NPHP4: variants seen among roughly 807,000 people sequenced by gnomAD.
NPHP4 encodes the protein nephrocystin-4.
Under a neutral mutation model 155.8 loss-of-function variants are expected in NPHP4, and 151 were observed. The ratio of observed to expected loss-of-function variants is 0.97; its 90% CI spans 0.85 to 1.11. The LOEUF (loss-of-function observed/expected upper bound fraction) is 1.11, where lower values mean the gene tolerates loss of function less well. NPHP4 is among the 50% of genes least tolerant of loss of function. The pLI, the probability that NPHP4 is intolerant of heterozygous loss-of-function variation, is 0.00. For missense variants in NPHP4, 1,956 were observed against 1,925.7 expected, an observed-to-expected ratio of 1.02 and a Z score of -0.29; for synonymous variants, 845 against 816.8, an observed-to-expected ratio of 1.03 and a Z score of -0.59.
chr1:5,940,719 C>T (rs949348937), intron 9 of NPHP4, among the ~76,000 whole-genome samples: 3 of 151,974 alleles, frequency 2.0e-5, no homozygotes, highest in African/African-American at 7.3e-5. Context: ...ATTAAATACC[C>T]ATGAAAAAAT....
At chr1:5,964,941 A>ATATATATATATATATTTTTTTTTTTT in intron 5 of NPHP4, among the ~76,000 whole-genome samples, 9 of 59,370 alleles carry the variant, frequency 1.5e-4, no homozygotes, top group Admixed American at 2.3e-4. Flanking sequence ...ATATATATAT[A>ATATATATATATATATTTTTTTTTTTT]TTTTTTTTTT....
At chr1:5,888,804 C>T (rs9729880) in intron 17 of NPHP4, among the ~76,000 whole-genome samples, 30,259 of 152,150 alleles carry the variant, frequency 0.2, 3,145 homozygotes, top group Non-Finnish European at 0.23. Flanking sequence ...GAAGTGCAGG[C>T]CTGGCTGAGC....
rs1644832441 is a variant in NPHP4, at chr1:5,904,753, G to A, written c.2007C>T (p.Thr669=). 1.2e-6 allele frequency: 2 copies of A among 1,614,002 alleles called. No homozygotes were observed. Among genetic ancestry groups the A allele is most frequent in the Non-Finnish European group, 1.7e-6 (2 of 1,179,890 alleles). ...GTSWPKTVYF[T]FQFYRFPPAT... is the part of the protein sequence containing the mutation. ...CGGGTGGGAAGCGGTAGAACTGGAA[G>A]GTGAAATACACAGTCTTTGGCCATG... Residue 669 remains threonine, a synonymous_variant, in exon 16 of 30, where the codon ACC becomes ACT. Transcript: ENST00000378156.
At chr1:5,980,894 G>A (rs1176679519) in intron 2 of NPHP4, among the ~76,000 whole-genome samples, 1 of 151,748 alleles carries the variant, frequency 6.6e-6, no homozygotes, top group Non-Finnish European at 1.5e-5. Context: ...CTACCTCCCT[G>A]TCCTCCTCCC....
intron 7 of NPHP4, among the ~76,000 whole-genome samples, chr1:5,951,172 G>A (rs1647930933): frequency 6.6e-6 from 1 of 152,248 alleles, no homozygotes; most frequent in Non-Finnish European, 1.5e-5. Context: ...TGCAGCCGGA[G>A]GAGACCCGCG....
chr1:5,904,973 G>T lies in NPHP4; in HGVS notation c.1956-169C>A, dbSNP rs184509233. Among the ~76,000 whole-genome samples, 826 of 152,298 alleles carry T rather than the reference G, an allele frequency of 5.4e-3. 6 individuals carry two copies. Among genetic ancestry groups the T allele is most frequent in the Non-Finnish European group, 9.3e-3 (635 of 68,032 alleles). ...GCTTTGCTGTGCTCTCAGCAAGCCG[G>T]CCAGACAGCAGCATTCTCGAGTGTA... On this transcript the variant is annotated intron_variant, in intron 15 of 29. Coordinates refer to ENST00000378156, the MANE Select transcript of NPHP4 (RefSeq NM_015102.5).
chr1:5,904,426 G>T (rs944713246), intron 16 of NPHP4, among the ~76,000 whole-genome samples, 191 bp downstream of exon 16: 39 of 152,172 alleles, frequency 2.6e-4, no homozygotes, highest in Non-Finnish European at 2.9e-5. Flanking sequence ...CCCTGGCTTG[G>T]GGGAGGACGC....
chr1:5,887,686 CAA>C (rs774795421), intron 17 of NPHP4, among the ~76,000 whole-genome samples: 3 of 152,214 alleles, frequency 2.0e-5, no homozygotes, highest in Non-Finnish European at 4.4e-5. Flanking sequence ...GTCTTTTTCA[CAA>C]AGTCTTAAGT....
In NPHP4 at chr1:5,864,007, G is replaced by A. The variant is rs774866535; in HGVS notation, c.4023C>T (p.Gly1341=). The change falls in exon 29 of 30, where the codon GGC becomes GGT. Residue 1341 remains glycine, a synonymous_variant. Transcript: ENST00000378156. The part of the protein sequence containing the change: ...SKAFEIMLAA[G]EGKGVNKRIT... Reference sequence around the variant, plus strand: ...TCCTCTTGTTGACACCCTTCCCTTCGCCCGCAGCCAACATGATCTCAAAGG... The same window carrying A: ...TCCTCTTGTTGACACCCTTCCCTTCACCCGCAGCCAACATGATCTCAAAGG... The A allele has an allele frequency of 1.5e-5, 24 of 1,613,366 alleles. No homozygotes were observed. The highest frequency in any genetic ancestry group is 1.7e-4 in the Middle Eastern group (1 of 6,058).
chr1:5,960,302 T>C lies in NPHP4; in HGVS notation c.673+1492A>G, dbSNP rs568668593. Among the ~76,000 whole-genome samples, 3 of 152,294 alleles carry C rather than the reference T, an allele frequency of 2.0e-5. No individual in the cohort carries two copies. In the East Asian group the frequency reaches 5.8e-4, roughly 29 times the overall value. ...ATTTCTCACCCTCTCCTCCCTGGAATGCTGGAAAAACAGTGACTTCACAAT... is the reference window on the plus strand; with the variant it reads ...ATTTCTCACCCTCTCCTCCCTGGAACGCTGGAAAAACAGTGACTTCACAAT... On this transcript the variant is annotated intron_variant, in intron 6 of 29. Transcript: ENST00000378156.
chr1:5,951,325 G>A (rs980049273), intron 7 of NPHP4, among the ~76,000 whole-genome samples: 8 of 152,228 alleles, frequency 5.3e-5, no homozygotes, highest in African/African-American at 1.9e-4. Context: ...AGGACTCGAC[G>A]CAACAGCAAG....
At chr1:5,963,069 TAAAG>T (rs34316148) in intron 5 of NPHP4, among the ~76,000 whole-genome samples, 36,991 of 152,022 alleles carry the variant, frequency 0.24, 5,758 homozygotes, top group East Asian at 0.52. Context: ...TCTGATTTCA[TAAAG>T]AAAGAGCTAA....
chr1:5,956,002 T>C (rs1287272876), intron 6 of NPHP4, among the ~76,000 whole-genome samples: 1 of 125,970 alleles, frequency 7.9e-6, no homozygotes, highest in East Asian at 2.6e-4. Context: ...CTGTTCCCCA[T>C]AAATATATAC....
intron 6 of NPHP4, among the ~76,000 whole-genome samples, chr1:5,954,407 T>C (rs576047207): frequency 6.6e-6 from 1 of 152,378 alleles, no homozygotes; most frequent in South Asian, 2.1e-4. Context: ...CATGTGCACT[T>C]ACATGTATAC....
At chr1:5,952,185 T>C (rs372960523) in intron 7 of NPHP4, among the ~76,000 whole-genome samples, 1 of 152,068 alleles carries the variant, frequency 6.6e-6, no homozygotes, top group Admixed American at 6.5e-5. Flanking sequence ...TGGGGGCGCC[T>C]TCCCAGGGGC....
chr1:5,961,332 T>C lies in NPHP4; in HGVS notation c.673+462A>G, dbSNP rs562181483. Among the ~76,000 whole-genome samples, 7 of 152,322 alleles carry C rather than the reference T, an allele frequency of 4.6e-5. No homozygotes were observed. In the South Asian group the frequency reaches 1.5e-3, roughly 32 times the overall value. On this transcript the variant is annotated intron_variant, in intron 6 of 29. Transcript: ENST00000378156. ...AGAGCTCAGGGATGGATGGTGCTGC[T>C]GGCTGCACTACAATGTGAATGTACT... is the stretch of plus-strand genomic sequence containing the variant.
Position 5,865,197 on chromosome 1 carries a change from C to T in NPHP4, c.3721G>A (p.Val1241Ile), listed in dbSNP as rs535789951. The change falls in exon 27 of 30, where the codon GTC becomes ATC. Residue 1241 changes from valine to isoleucine, a missense_variant. Val to Ile is a conservative substitution (Grantham distance 29). Transcript: ENST00000378156. ...HSLQRVDVSC[V>I]AGQLTRLSLV... is the part of the protein sequence containing the mutation. ...GACAGGCGGGTCAGCTGGCCTGCGA[C>T]GCAGGAGACATCCACGCGCTGCAGG... is the stretch of plus-strand genomic sequence containing the variant. 3.2e-5 allele frequency: 52 copies of T among 1,611,346 alleles called. No individual in the cohort carries two copies. Among genetic ancestry groups the T allele is most frequent in the Non-Finnish European group, 3.7e-5 (44 of 1,178,658 alleles).
Position 5,944,475 on chromosome 1 carries a change from C to T in NPHP4, c.1119+2629G>A, listed in dbSNP as rs1646983109. ...GGCCCCGCCATTGTGCCTTTCTCCT[C>T]TCACGTCCCGCTCAATTCCAGTTTC... On this transcript the variant is annotated intron_variant, in intron 9 of 29. Transcript: ENST00000378156. The surrounding 1 kb of genome is among the most constrained non-coding windows in gnomAD (Gnocchi z 4.3). 6.6e-6 allele frequency among the ~76,000 whole-genome samples: 1 copy of T among 152,260 alleles called. No individual in the cohort carries two copies. The highest frequency in any genetic ancestry group is 1.5e-5 in the Non-Finnish European group (1 of 68,046).
chr1:5,877,010 A>C, intron 20 of NPHP4, 83 bp downstream of exon 20: 2 of 953,246 alleles, frequency 2.1e-6, no homozygotes, highest in Non-Finnish European at 2.8e-6. Flanking sequence ...AGAGAGAATC[A>C]TGTGGGAGGC....
Sources: allele counts gnomAD v4.1 joint callset (sites outside exome capture counted in the v4.1 genomes callset), GRCh38; gene constraint gnomAD v4.1.1; non-coding constraint Gnocchi (gnomAD v3.1); transcripts MANE v1.5; gene names NCBI Gene and HGNC (gene_info 2026-07-23, HGNC 2026-07-21).